AMPH: variants seen among roughly 807,000 people sequenced by gnomAD.
AMPH encodes the protein amphiphysin (Stiff-Mann syndrome with breast cancer 128kD autoantigen).
Under a neutral mutation model 99.1 loss-of-function variants are expected in AMPH, and 49 were observed. The ratio of observed to expected loss-of-function variants is 0.49; its 90% confidence interval spans 0.39 to 0.63. AMPH has a LOEUF of 0.63. AMPH is among the 20% of genes least tolerant of loss of function. The pLI, the probability that AMPH is intolerant of heterozygous loss-of-function variation, is 0.00. For synonymous variants in AMPH, 314 were observed against 317.3 expected (o/e 0.99, Z 0.11); for missense variants, 759 against 863.4 (o/e 0.88, Z 1.52).
intron 5 of AMPH, among the ~76,000 whole-genome samples, chr7:38,483,486 C>T (rs1463184408): frequency 6.6e-6 from 1 of 152,096 alleles, no homozygotes; most frequent in Non-Finnish European, 1.5e-5. Flanking sequence ...AACGATACAA[C>T]CTTTGGGGGC....
intron 1 of AMPH, among the ~76,000 whole-genome samples, chr7:38,618,901 A>T (rs1304018882): frequency 6.6e-6 from 1 of 152,264 alleles, no homozygotes; most frequent in Non-Finnish European, 1.5e-5. Context: ...GTAAAATGTA[A>T]ATAGACTTAA....
At chr7:38,547,638 T>A (rs1791037364) in intron 1 of AMPH, among the ~76,000 whole-genome samples, 1 of 152,234 alleles carries the variant, frequency 6.6e-6, no homozygotes, top group Admixed American at 6.5e-5. Context: ...GGACAAGCTA[T>A]GACACAGGCT....
intron 1 of AMPH, among the ~76,000 whole-genome samples, chr7:38,538,241 TAATA>T (rs1418553993): frequency 3.9e-5 from 6 of 152,192 alleles, no homozygotes; most frequent in African/African-American, 1.2e-4. Flanking sequence ...TGAGAATCCA[TAATA>T]AATGTATTAC....
In AMPH at chr7:38,501,511, A is replaced by G. The variant is rs115466406; in HGVS notation, c.205+2139T>C. 2.3e-3 allele frequency among the ~76,000 whole-genome samples: 344 copies of G among 152,290 alleles called. 1 individual carries two copies. Among genetic ancestry groups the G allele is most frequent in the African/African-American group, 8.1e-3 (335 of 41,564 alleles). On this transcript the variant is annotated intron_variant, in intron 3 of 20. Coordinates refer to ENST00000356264, the MANE Select transcript of AMPH (RefSeq NM_001635.4). ...CTGTAACTCACTTTCTTATCTATAA[A>G]ATGAAGATAATAAAACTACCTGCCT...
intron 2 of AMPH, among the ~76,000 whole-genome samples, chr7:38,532,287 A>T (rs1790430343): frequency 6.6e-6 from 1 of 152,174 alleles, no homozygotes; most frequent in African/African-American, 2.4e-5. Context: ...TTTTCTAATT[A>T]AAAAAGATCA....
chr7:38,444,026 G>C (rs1025929393), intron 11 of AMPH, among the ~76,000 whole-genome samples: 1 of 152,030 alleles, frequency 6.6e-6, no homozygotes, highest in Non-Finnish European at 1.5e-5. Context: ...AAAACCAGTT[G>C]TACTTATAGA....
At position 38,461,203 on chromosome 7, in the gene AMPH, ACTTTCTT is replaced by A. The variant is rs1291335781; in HGVS notation, c.1017+73_1017+79del. 36 of 1,541,484 alleles carry A rather than the reference ACTTTCTT, an allele frequency of 2.3e-5. No individual in the cohort carries two copies. The East Asian group carries it at 7.9e-4, about 34-fold the overall frequency. On this transcript the variant is annotated intron_variant, in intron 11 of 20. Transcript: ENST00000356264. ...TTATGTTGTTGGTTCTGGAACCGCC[ACTTTCTT>A]TAGGGCTAGCCCCTGAGAGTCCTTC...
At chr7:38,412,880 G>T (rs533243034) in intron 17 of AMPH, among the ~76,000 whole-genome samples, 3 of 152,242 alleles carry the variant, frequency 2.0e-5, no homozygotes, top group African/African-American at 7.2e-5. Flanking sequence ...CCTGGAAAAG[G>T]GGAAGTCTTC....
chr7:38,553,290 C>G (rs185892191), intron 1 of AMPH, among the ~76,000 whole-genome samples: 2 of 152,330 alleles, frequency 1.3e-5, no homozygotes, highest in African/African-American at 4.8e-5. Context: ...ACAAACACTC[C>G]ATGCAGTAAA....
chr7:38,580,763 C>T (rs1792423081), intron 1 of AMPH, among the ~76,000 whole-genome samples: 1 of 146,164 alleles, frequency 6.8e-6, no homozygotes, highest in Non-Finnish European at 1.5e-5. Context: ...AGCAGAGCCC[C>T]ACACTGAAGT....
chr7:38,534,727 T>C (rs1419976746), intron 2 of AMPH, among the ~76,000 whole-genome samples: 1 of 152,128 alleles, frequency 6.6e-6, no homozygotes, highest in Non-Finnish European at 1.5e-5. Context: ...AGCAGAGTCT[T>C]TATCTCCTGG....
At chr7:38,550,241 C>G (rs890991164) in intron 1 of AMPH, among the ~76,000 whole-genome samples, 1 of 152,216 alleles carries the variant, frequency 6.6e-6, no homozygotes, top group Non-Finnish European at 1.5e-5. Context: ...ATCAGCCTCA[C>G]CAGGGAGCTT....
At chr7:38,443,915 G>T (rs1317803316) in intron 11 of AMPH, among the ~76,000 whole-genome samples, 3 of 151,070 alleles carry the variant, frequency 2.0e-5, no homozygotes, top group Admixed American at 6.6e-5. Context: ...ATTCATAAAA[G>T]ATATGATAAT....
At chr7:38,391,620 G>T in intron 19 of AMPH, 128 bp downstream of exon 19, 1 of 899,002 alleles carries the variant, frequency 1.1e-6, no homozygotes, top group Non-Finnish European at 1.6e-6. Context: ...TGATGTTGTG[G>T]TGAAGGGAAA....
intron 14 of AMPH, chr7:38,429,206 C>A: frequency 7.8e-7 from 1 of 1,289,166 alleles, no homozygotes; most frequent in Non-Finnish European, 1.0e-6. Flanking sequence ...GGTCATACAG[C>A]TGCTCCATCT....
At chr7:38,412,598 C>T (rs1206576037) in intron 17 of AMPH, among the ~76,000 whole-genome samples, 1 of 152,220 alleles carries the variant, frequency 6.6e-6, no homozygotes, top group Non-Finnish European at 1.5e-5. Flanking sequence ...GTTGGGGGAA[C>T]TGATCACTGT....
At chr7:38,474,881 C>T (rs1788026272) in intron 7 of AMPH, among the ~76,000 whole-genome samples, 2 of 152,088 alleles carry the variant, frequency 1.3e-5, no homozygotes, top group South Asian at 4.2e-4. Context: ...AGAGGCTTAC[C>T]ATCTAAGCCA....
chr7:38,581,449 G>A (rs1792458012), intron 1 of AMPH, among the ~76,000 whole-genome samples: 1 of 152,200 alleles, frequency 6.6e-6, no homozygotes, highest in South Asian at 2.1e-4. Flanking sequence ...GGGTAGAGGG[G>A]AACTGGCAGG....
chr7:38,393,796 T>C (rs906512718), intron 18 of AMPH, among the ~76,000 whole-genome samples: 3 of 152,200 alleles, frequency 2.0e-5, no homozygotes, highest in Admixed American at 6.5e-5. Context: ...CCACAGGCCC[T>C]GAGGGCCTAT....
Sources: allele counts gnomAD v4.1 joint callset (sites outside exome capture counted in the v4.1 genomes callset), GRCh38; gene constraint gnomAD v4.1.1; transcripts MANE v1.5; gene names NCBI Gene and HGNC (gene_info 2026-07-23, HGNC 2026-07-21).